PRR16: variants seen among roughly 807,000 people sequenced by gnomAD.
The protein encoded by PRR16 is proline rich 16.
In PRR16, 6 loss-of-function variants were observed where a neutral mutation model predicts 18.2. The observed-to-expected ratio is 0.33, with a 90% CI of 0.18 to 0.65. PRR16 has a LOEUF of 0.65. PRR16 is among the 30% of genes least tolerant of loss of function. PRR16 has a pLI of 0.74. For missense variants in PRR16, 412 were observed against 376.6 expected, an observed-to-expected ratio of 1.09 and a Z score of -0.78; for synonymous variants, 151 against 147.8, an observed-to-expected ratio of 1.02 and a Z score of -0.16.
In PRR16 at chr5:120,595,412, A is replaced by T. The variant is rs1207723917; in HGVS notation, c.160-90542A>T. The stretch of plus-strand genomic sequence containing the variant: ...AATGAGATACCATTTCACATTAGTC[A>T]GAAGGGCTATTATCAAAAAGTCAAA... On this transcript the variant is annotated intron_variant, in intron 1 of 1. Transcript: ENST00000407149. Among the ~76,000 whole-genome samples the T allele has an allele frequency of 7.6e-5, 11 of 144,670 alleles. No homozygotes were observed. In the Admixed American group the frequency reaches 8.0e-4, roughly 11 times the overall value. 94.9% of individuals were successfully genotyped at this position (144,670 alleles called of 152,430 possible).
intron 1 of PRR16, among the ~76,000 whole-genome samples, chr5:120,507,378 T>A (rs984812002): frequency 3.9e-5 from 6 of 152,142 alleles, no homozygotes; most frequent in Non-Finnish European, 5.9e-5. Context: ...GAAACAAATG[T>A]TTCAGTGATC....
intron 1 of PRR16, among the ~76,000 whole-genome samples, chr5:120,489,033 C>A (rs1281443180): frequency 4.6e-5 from 7 of 152,150 alleles, no homozygotes; most frequent in Admixed American, 1.3e-4. Flanking sequence ...GTTCTAATTT[C>A]TGTTCTTTTA....
chr5:120,580,230 C>G (rs921652124), intron 1 of PRR16, among the ~76,000 whole-genome samples: 7 of 152,100 alleles, frequency 4.6e-5, no homozygotes, highest in Non-Finnish European at 8.8e-5. Context: ...ATTTCTTTCT[C>G]TTTCCTGATT....
intron 1 of PRR16, among the ~76,000 whole-genome samples, chr5:120,520,706 A>G (rs1170909503): frequency 6.6e-6 from 1 of 152,202 alleles, no homozygotes; most frequent in Non-Finnish European, 1.5e-5. Flanking sequence ...GTGAGTTGTC[A>G]CATATGTGTT....
intron 1 of PRR16, among the ~76,000 whole-genome samples, chr5:120,606,942 A>G (rs1417741531): frequency 6.6e-6 from 1 of 152,090 alleles, no homozygotes; most frequent in Non-Finnish European, 1.5e-5. Flanking sequence ...TGTTTCCCTT[A>G]CCTAATATTA....
chr5:120,668,863 C>A (rs1270030360), intron 1 of PRR16, among the ~76,000 whole-genome samples: 1 of 152,110 alleles, frequency 6.6e-6, no homozygotes, highest in Non-Finnish European at 1.5e-5. Context: ...GGTAACCCGA[C>A]CTTTCTCTCT....
chr5:120,607,305 T>C (rs1411640033), intron 1 of PRR16, among the ~76,000 whole-genome samples: 1 of 152,214 alleles, frequency 6.6e-6, no homozygotes, highest in Non-Finnish European at 1.5e-5. Flanking sequence ...TAGTGTTTGT[T>C]TTTTATATAC....
At chr5:120,595,653 C>A (rs1211445674) in intron 1 of PRR16, among the ~76,000 whole-genome samples, 1 of 151,878 alleles carries the variant, frequency 6.6e-6, no homozygotes, top group Admixed American at 6.6e-5. Flanking sequence ...CTGTGATAAA[C>A]CTGCACACGC....
intron 1 of PRR16, among the ~76,000 whole-genome samples, chr5:120,519,718 A>G (rs922146030): frequency 1.3e-5 from 2 of 152,156 alleles, no homozygotes; most frequent in Non-Finnish European, 2.9e-5. Context: ...GCCAACAATG[A>G]AAGAGCAGCT....
the PRR16 span, among the ~76,000 whole-genome samples, chr5:120,698,531 T>G: frequency 0.72 from 86,854 of 120,178 alleles, 28,775 homozygotes; most frequent in East Asian, 0.92. Flanking sequence ...GAGCAGGGCA[T>G]GTATGAGTAG....
chr5:120,591,584 T>C (rs1753637424), intron 1 of PRR16, among the ~76,000 whole-genome samples: 1 of 151,992 alleles, frequency 6.6e-6, no homozygotes, highest in Non-Finnish European at 1.5e-5. Flanking sequence ...TTTATTTTAA[T>C]ATATGCAATA....
At chr5:120,760,073 A>C in the PRR16 span, among the ~76,000 whole-genome samples, 6 of 152,298 alleles carry the variant, frequency 3.9e-5, no homozygotes, top group Non-Finnish European at 7.4e-5. Flanking sequence ...ACTTGTTGAT[A>C]AAGTTGTTTC....
rs1757143992 is a variant in PRR16 at position 120,686,815 on chromosome 5, C to T, written c.*106C>T. 2.1e-6 allele frequency: 2 copies of T among 935,880 alleles called. No individual in the cohort carries two copies. The highest frequency in any genetic ancestry group is 7.2e-5 in the Admixed American group (2 of 27,930). 58.0% of individuals were successfully genotyped at this position (935,880 alleles called of 1,614,324 possible). ...AATAAAAAGCCCAAATATATTAATC[C>T]TGCATTCAGCAAAGTGGCATAAAAA... On this transcript the variant is annotated 3_prime_UTR_variant, in exon 2 of 2. Coordinates refer to ENST00000407149, the MANE Select transcript of PRR16 (RefSeq NM_001300783.2).
intron 1 of PRR16, among the ~76,000 whole-genome samples, chr5:120,471,213 AGATGTGCTGT>A (rs1413767808): frequency 2.0e-5 from 3 of 152,198 alleles, no homozygotes; most frequent in East Asian, 3.8e-4. Context: ...TTGCAAATAA[AGATGTGCTGT>A]GATTAATTAC....
intron 1 of PRR16, among the ~76,000 whole-genome samples, chr5:120,530,622 T>A (rs1200636517): frequency 6.6e-6 from 1 of 152,130 alleles, no homozygotes; most frequent in Non-Finnish European, 1.5e-5. Flanking sequence ...AGTTCTAGGA[T>A]AACTTGATGG....
At chr5:120,510,007 T>A (rs1750780235) in intron 1 of PRR16, among the ~76,000 whole-genome samples, 1 of 152,152 alleles carries the variant, frequency 6.6e-6, no homozygotes, top group South Asian at 2.1e-4. Flanking sequence ...GACTAGTGCA[T>A]AAGTGAGGCT....
At chr5:120,715,761 A>T in the PRR16 span, among the ~76,000 whole-genome samples, 1 of 152,194 alleles carries the variant, frequency 6.6e-6, no homozygotes, top group Non-Finnish European at 1.5e-5. Context: ...GAGATACACT[A>T]TATTTGGAAT....
At chr5:120,478,308 C>T (rs1749505999) in intron 1 of PRR16, among the ~76,000 whole-genome samples, 1 of 152,066 alleles carries the variant, frequency 6.6e-6, no homozygotes, top group African/African-American at 2.4e-5. Context: ...ATCTTCTTGC[C>T]TAATATATAT....
At chr5:120,772,417 A>G in the PRR16 span, among the ~76,000 whole-genome samples, 1 of 152,108 alleles carries the variant, frequency 6.6e-6, no homozygotes, top group East Asian at 1.9e-4. Flanking sequence ...CCTGACATAT[A>G]GAATGCATAA....
Sources: gnomAD v4.1 joint callset for allele counts (sites outside exome capture counted in the v4.1 genomes callset) on GRCh38, gnomAD v4.1.1 for gene constraint, MANE v1.5 for transcripts, NCBI Gene and HGNC (gene_info 2026-07-23, HGNC 2026-07-21) for gene names.